CSMD1: variants seen among roughly 807,000 people sequenced by gnomAD.
The protein encoded by CSMD1 is CUB and Sushi multiple domains 1, also known as CUB and sushi domain-containing protein 1.
A neutral mutation model predicts 417.5 loss-of-function variants in CSMD1; 213 were observed. The observed-to-expected ratio is 0.51, with a 90% CI of 0.46 to 0.57. CSMD1 has a LOEUF of 0.57. CSMD1 is among the 20% of genes least tolerant of loss of function. CSMD1 has a pLI of 0.00. For missense variants in CSMD1, 6,923 were observed against 4,529.7 expected (o/e 1.53, Z -15.17); for synonymous variants, 2,862 against 1,736.8 (o/e 1.65, Z -16.11).
chr8:3,920,580 G>C (rs1219188918), intron 5 of CSMD1, among the ~76,000 whole-genome samples: 1 of 152,006 alleles, frequency 6.6e-6, no homozygotes, highest in Non-Finnish European at 1.5e-5. Flanking sequence ...AATGCTTTCA[G>C]CTTTTCATCA....
chr8:4,414,546 A>G (rs1796822043), intron 3 of CSMD1, among the ~76,000 whole-genome samples: 1 of 152,240 alleles, frequency 6.6e-6, no homozygotes, highest in South Asian at 2.1e-4. Flanking sequence ...GTAATAAACT[A>G]CGATCCATAC....
At chr8:3,923,440 CA>C (rs1809421601) in intron 5 of CSMD1, among the ~76,000 whole-genome samples, 1 of 152,118 alleles carries the variant, frequency 6.6e-6, no homozygotes, top group Non-Finnish European at 1.5e-5. Flanking sequence ...CTTATTGGAT[CA>C]TTTGCTTATT....
intron 8 of CSMD1, among the ~76,000 whole-genome samples, chr8:3,601,331 G>A (rs1303661240): frequency 6.6e-6 from 1 of 152,208 alleles, no homozygotes; most frequent in Non-Finnish European, 1.5e-5. Context: ...CAGACATATA[G>A]GAGCTGTAGA....
At chr8:4,629,869 C>A (rs1229098339) in intron 2 of CSMD1, among the ~76,000 whole-genome samples, 1 of 152,090 alleles carries the variant, frequency 6.6e-6, no homozygotes, top group Non-Finnish European at 1.5e-5. Context: ...TTCTTCTGTT[C>A]CCTTTGTGTA....
chr8:3,138,333 T>C (rs1818228768), intron 41 of CSMD1, among the ~76,000 whole-genome samples: 1 of 152,194 alleles, frequency 6.6e-6, no homozygotes, highest in South Asian at 2.1e-4. Context: ...TACTCAGGGA[T>C]CCAGATGACT....
intron 25 of CSMD1, among the ~76,000 whole-genome samples, chr8:3,294,757 A>C (rs1267410539): frequency 6.6e-6 from 1 of 151,834 alleles, no homozygotes; most frequent in Non-Finnish European, 1.5e-5. Context: ...GAATTCCCTG[A>C]CCCCTTGCAC....
intron 23 of CSMD1, among the ~76,000 whole-genome samples, chr8:3,340,173 G>C (rs892292586): frequency 6.6e-6 from 1 of 152,096 alleles, no homozygotes; most frequent in Non-Finnish European, 1.5e-5. Context: ...TAGAAGGCCT[G>C]GATTTGGGTT....
chr8:4,327,273 C>A (rs117438313), intron 3 of CSMD1, among the ~76,000 whole-genome samples: 2,795 of 152,238 alleles, frequency 0.018, 38 homozygotes, highest in Admixed American at 0.027. Flanking sequence ...CAGTCAATTG[C>A]TCTTTAAGTA....
At chr8:3,720,602 G>A (rs539384557) in intron 6 of CSMD1, among the ~76,000 whole-genome samples, 2 of 111,212 alleles carry the variant, frequency 1.8e-5, no homozygotes, top group South Asian at 3.4e-4. Flanking sequence ...CAGCATTGGT[G>A]GTCAAAGTCT....
At chr8:4,265,788 T>C (rs1804195792) in intron 3 of CSMD1, among the ~76,000 whole-genome samples, 1 of 105,140 alleles carries the variant, frequency 9.5e-6, no homozygotes, top group African/African-American at 2.6e-5. Flanking sequence ...CCTAATGTGA[T>C]GTTGACTTTT....
chr8:3,089,319 C>T (rs1814764128), intron 48 of CSMD1, among the ~76,000 whole-genome samples: 1 of 152,204 alleles, frequency 6.6e-6, no homozygotes, highest in Admixed American at 6.5e-5. Flanking sequence ...TACTTTCAAC[C>T]CGCCCAATAC....
chr8:3,685,507 C>T (rs748499048), intron 7 of CSMD1, among the ~76,000 whole-genome samples: 17 of 152,128 alleles, frequency 1.1e-4, no homozygotes, highest in Admixed American at 4.6e-4. Flanking sequence ...ATCCACCTCC[C>T]TGACCTACTA....
intron 3 of CSMD1, among the ~76,000 whole-genome samples, chr8:4,409,020 A>G (rs146655515): frequency 4.5e-4 from 68 of 152,336 alleles, no homozygotes; most frequent in African/African-American, 1.5e-3. Flanking sequence ...GACAAAACAA[A>G]TATCTGTATC....
At chr8:3,621,602 T>A (rs79730854) in intron 7 of CSMD1, among the ~76,000 whole-genome samples, 1 of 152,098 alleles carries the variant, frequency 6.6e-6, no homozygotes, top group Non-Finnish European at 1.5e-5. Context: ...TACTTTTTTT[T>A]CTTTTTTTGA....
chr8:3,628,463 A>G (rs1463503621), intron 7 of CSMD1, among the ~76,000 whole-genome samples: 1 of 152,236 alleles, frequency 6.6e-6, no homozygotes, highest in African/African-American at 2.4e-5. Flanking sequence ...AATTATTTTA[A>G]AAAATCCTTA....
chr8:4,135,336 A>AGGGG (rs779254924), intron 3 of CSMD1, among the ~76,000 whole-genome samples: 2 of 34,314 alleles, frequency 5.8e-5, no homozygotes, highest in Non-Finnish European at 1.3e-4. Flanking sequence ...AGGAAGGGGA[A>AGGGG]AGAAGGAAGG....
At chr8:4,704,016 G>T (rs1420665231) in intron 1 of CSMD1, among the ~76,000 whole-genome samples, 2 of 152,190 alleles carry the variant, frequency 1.3e-5, no homozygotes, top group Non-Finnish European at 2.9e-5. Flanking sequence ...CGATGCCGAT[G>T]TGAGACGAGG....
chr8:3,653,646 C>G (rs57909294), intron 7 of CSMD1, among the ~76,000 whole-genome samples: 1 of 152,172 alleles, frequency 6.6e-6, no homozygotes, highest in African/African-American at 2.4e-5. Flanking sequence ...CTTTAGGCCA[C>G]GAAGCCTGAT....
At position 3,244,277 on chromosome 8, in the gene CSMD1, G is replaced by C. The variant is rs79641118; in HGVS notation, c.4154-14046C>G. On this transcript the variant is annotated intron_variant, in intron 26 of 69. Coordinates refer to ENST00000635120, the MANE Select transcript of CSMD1 (RefSeq NM_033225.6). ...GTATTTTGGAGGGTCAGTAGCCTGC[G>C]AAGCTCCTTGTTTCTGTTCACTGGA... Among the ~76,000 whole-genome samples the C allele has an allele frequency of 6.6e-5, 10 of 152,176 alleles. No individual in the cohort carries two copies. In the East Asian group the frequency reaches 1.4e-3, roughly 21 times the overall value.
Sources: gnomAD v4.1 joint callset for allele counts (sites outside exome capture counted in the v4.1 genomes callset) on GRCh38, gnomAD v4.1.1 for gene constraint, MANE v1.5 for transcripts, NCBI Gene and HGNC (gene_info 2026-07-23, HGNC 2026-07-21) for gene names.